The following NSMCE2 variants were observed in gnomAD, a reference collection of about 807,000 sequenced individuals.
NSMCE2 encodes the protein NSE2 SUMO ligase component of SMC5/6 complex.
In NSMCE2, 24 loss-of-function variants were observed where a neutral mutation model predicts 23.8. That is an observed-to-expected ratio of 1.01 (90% confidence interval 0.73 to 1.42). NSMCE2 has a LOEUF of 1.42. Ranked by LOEUF, NSMCE2 falls within the 40% of genes most tolerant of loss-of-function variation. The probability of loss-of-function intolerance (pLI) is 0.00; values close to 1 mark genes in which losing one functional copy is unlikely to be tolerated. For synonymous variants in NSMCE2, 92 were observed against 94.1 expected, an observed-to-expected ratio of 0.98 and a Z score of 0.13; for missense variants, 284 against 296.5, an observed-to-expected ratio of 0.96 and a Z score of 0.31.
At chr8:125,162,225 A>T (rs1213697236) in intron 4 of NSMCE2, among the ~76,000 whole-genome samples, 1 of 152,224 alleles carries the variant, frequency 6.6e-6, no homozygotes, top group Non-Finnish European at 1.5e-5. Context: ...TTGGTAAAAA[A>T]AATTTTAATT....
intron 5 of NSMCE2, among the ~76,000 whole-genome samples, chr8:125,254,554 A>G (rs1826329680): frequency 1.3e-5 from 2 of 152,284 alleles, no homozygotes; most frequent in South Asian, 2.1e-4. Flanking sequence ...CATTTTTTAT[A>G]TAACTGACCC....
At chr8:125,174,351 T>C (rs1245371128) in intron 4 of NSMCE2, among the ~76,000 whole-genome samples, 2 of 152,224 alleles carry the variant, frequency 1.3e-5, no homozygotes, top group Non-Finnish European at 2.9e-5. Flanking sequence ...AAATAATGCA[T>C]GTTTCTGTGA....
At chr8:125,099,885 G>A (rs144751458) in intron 1 of NSMCE2, among the ~76,000 whole-genome samples, 2 of 152,234 alleles carry the variant, frequency 1.3e-5, no homozygotes, top group East Asian at 3.9e-4. Flanking sequence ...TGAGATGGGA[G>A]AAGTAATGGT....
intron 5 of NSMCE2, among the ~76,000 whole-genome samples, chr8:125,290,318 TAATA>T (rs1306903648): frequency 1.3e-5 from 2 of 151,968 alleles, no homozygotes; most frequent in Non-Finnish European, 1.5e-5. Context: ...AAAAAAAAAT[TAATA>T]AATAGAAAAA....
chr8:125,354,363 A>C (rs964818430), intron 5 of NSMCE2, among the ~76,000 whole-genome samples: 3 of 152,202 alleles, frequency 2.0e-5, no homozygotes. Flanking sequence ...AATTTTTATG[A>C]AGTTTATGAA....
chr8:125,205,614 C>T (rs1396573059), intron 5 of NSMCE2, among the ~76,000 whole-genome samples: 1 of 152,124 alleles, frequency 6.6e-6, no homozygotes, highest in Non-Finnish European at 1.5e-5. Flanking sequence ...GTATCTTACT[C>T]CATTTTCAGA....
intron 3 of NSMCE2, among the ~76,000 whole-genome samples, chr8:125,108,045 A>T (rs902928213): frequency 5.9e-5 from 9 of 151,942 alleles, no homozygotes; most frequent in African/African-American, 1.9e-4. Context: ...AAAAAAAAAT[A>T]AAAAAAATTA....
At chr8:125,358,515 T>C (rs1021679559) in intron 7 of NSMCE2, among the ~76,000 whole-genome samples, 9 of 151,690 alleles carry the variant, frequency 5.9e-5, no homozygotes, top group Admixed American at 1.3e-4. Context: ...CACACACACA[T>C]ATATATATCT....
intron 5 of NSMCE2, among the ~76,000 whole-genome samples, chr8:125,333,821 G>A (rs566507105): frequency 7.5e-5 from 11 of 147,144 alleles, no homozygotes; most frequent in Admixed American, 5.5e-4. Context: ...CCTTCCTGGT[G>A]GTTCTGATAC....
At chr8:125,139,529 G>A (rs1820244934) in intron 3 of NSMCE2, among the ~76,000 whole-genome samples, 1 of 152,174 alleles carries the variant, frequency 6.6e-6, no homozygotes, top group South Asian at 2.1e-4. Flanking sequence ...ATGGCAGAAG[G>A]CAAAGGAGTA....
chr8:125,352,914 A>T (rs1361543534), intron 5 of NSMCE2, among the ~76,000 whole-genome samples: 1 of 152,132 alleles, frequency 6.6e-6, no homozygotes, highest in East Asian at 1.9e-4. Context: ...AGCTATTGAG[A>T]GTCTTTCTCT....
intron 1 of NSMCE2, among the ~76,000 whole-genome samples, chr8:125,098,070 G>T (rs532721922): frequency 6.6e-6 from 1 of 152,270 alleles, no homozygotes; most frequent in African/African-American, 2.4e-5. Flanking sequence ...TCTTCAAAGT[G>T]TAATTCTTGG....
At chr8:125,132,007 T>C (rs4300023) in intron 3 of NSMCE2, among the ~76,000 whole-genome samples, 74,109 of 152,122 alleles carry the variant, frequency 0.49, 22,369 homozygotes, top group African/African-American at 0.86. Flanking sequence ...TCATGCATCC[T>C]TAGAGTTTCT....
At chr8:125,295,359 A>G (rs1828280510) in intron 5 of NSMCE2, among the ~76,000 whole-genome samples, 1 of 152,182 alleles carries the variant, frequency 6.6e-6, no homozygotes, top group African/African-American at 2.4e-5. Context: ...TAAAAACAGC[A>G]TCCAAAAGGG....
intron 3 of NSMCE2, among the ~76,000 whole-genome samples, chr8:125,108,317 T>G (rs1420304399): frequency 6.6e-6 from 1 of 152,196 alleles, no homozygotes. Flanking sequence ...ACTGAGGTGC[T>G]GTCCAAGGAC....
intron 5 of NSMCE2, among the ~76,000 whole-genome samples, chr8:125,264,373 A>G (rs1826828004): frequency 6.6e-6 from 1 of 152,186 alleles, no homozygotes; most frequent in African/African-American, 2.4e-5. Flanking sequence ...TGTCACTCTC[A>G]GCAGCGCCTG....
intron 4 of NSMCE2, among the ~76,000 whole-genome samples, chr8:125,177,296 C>A (rs1232577338): frequency 6.6e-6 from 1 of 152,148 alleles, no homozygotes; most frequent in African/African-American, 2.4e-5. Context: ...AATTTCAACC[C>A]AGAGTGGATT....
intron 5 of NSMCE2, among the ~76,000 whole-genome samples, chr8:125,236,365 C>CTA (rs35674231): frequency 3.1e-4 from 46 of 150,654 alleles, no homozygotes; most frequent in Middle Eastern, 3.4e-3. Context: ...AGTTGCAAAA[C>CTA]TATATATATA....
At chr8:125,286,509 T>C (rs1827909061) in intron 5 of NSMCE2, among the ~76,000 whole-genome samples, 1 of 151,540 alleles carries the variant, frequency 6.6e-6, no homozygotes, top group South Asian at 2.1e-4. Context: ...GATGGGGTGT[T>C]GCCATGTTGG....
Sources: allele counts gnomAD v4.1 joint callset (sites outside exome capture counted in the v4.1 genomes callset), GRCh38; gene constraint gnomAD v4.1.1; transcripts MANE v1.5; gene names NCBI Gene and HGNC (gene_info 2026-07-23, HGNC 2026-07-21).